ADARB1: variants seen among roughly 807,000 people sequenced by gnomAD.
The protein encoded by ADARB1 is adenosine deaminase RNA specific B1, also known as double-stranded RNA-specific editase 1.
A neutral mutation model predicts 52.4 loss-of-function variants in ADARB1; 10 were observed. That is an observed-to-expected ratio of 0.19 (90% CI 0.12 to 0.32). The LOEUF is 0.32. Among genes scored for constraint, ADARB1 ranks in the 10% least tolerant of loss-of-function variants. The pLI, the probability that ADARB1 is intolerant of heterozygous loss-of-function variation, is 1.00. For missense variants in ADARB1, 643 were observed against 922.3 expected (o/e 0.70, Z 3.92); for synonymous variants, 349 against 371.1 (o/e 0.94, Z 0.68).
rs1241405151 is a variant in ADARB1, at chr21:45,200,530, A to G, written c.1566-4025A>G. Among the ~76,000 whole-genome samples the G allele has an allele frequency of 6.6e-6, 1 of 152,158 alleles. No individual in the cohort carries two copies. The highest frequency in any genetic ancestry group is 1.5e-5 in the Non-Finnish European group (1 of 68,026). On this transcript the variant is annotated intron_variant, in intron 8 of 10. Coordinates refer to ENST00000348831, the MANE Select transcript of ADARB1 (RefSeq NM_001112.4). The surrounding 1 kb of genome is among the most constrained non-coding windows in gnomAD (Gnocchi z 5.0). ...GAGTCGGCTATGGCAAGGGGGCCAG[A>G]GCACTGTGTTGGGCAGACTCAAAGG...
rs553192171 is a variant in ADARB1 at position 45,209,392 on chromosome 21, G to T, written c.1747+4656G>T. On this transcript the variant is annotated intron_variant, in intron 9 of 10. Coordinates refer to ENST00000348831, the MANE Select transcript of ADARB1 (RefSeq NM_001112.4). ...CACATCCAGATTTATTTTTCACTTT[G>T]CTGGAATATATCCTTAATTGGGGTG... Among the ~76,000 whole-genome samples, 10 of 152,308 alleles carry T rather than the reference G, an allele frequency of 6.6e-5. No homozygotes were observed. The East Asian group carries it at 1.7e-3, about 26-fold the overall frequency.
At position 45,163,754 on chromosome 21, in the gene ADARB1, G is replaced by A. The variant is rs533554573; in HGVS notation, c.-47-7856G>A. 8.5e-5 allele frequency among the ~76,000 whole-genome samples: 13 copies of A among 152,060 alleles called. 1 individual carries two copies. The highest frequency in any genetic ancestry group is 8.3e-4 in the South Asian group (4 of 4,824). On this transcript the variant is annotated intron_variant, in intron 2 of 10. Transcript: ENST00000348831. ...GACGGTGTGCTCCCTGGGCCTGCTC[G>A]GGGATGCTGAGTACCAGGCAGCAGT... is the stretch of plus-strand genomic sequence containing the variant.
chr21:45,213,708 G>A (rs1270289335), intron 9 of ADARB1, among the ~76,000 whole-genome samples: 3 of 152,228 alleles, frequency 2.0e-5, no homozygotes, highest in African/African-American at 7.2e-5. Context: ...ATTGATCTAT[G>A]TTGTTGGGTT....
At chr21:45,125,951 G>A (rs770128511) in intron 1 of ADARB1, among the ~76,000 whole-genome samples, 2 of 152,116 alleles carry the variant, frequency 1.3e-5, no homozygotes, top group Non-Finnish European at 2.9e-5. Context: ...CTTGAGCACC[G>A]AGCTATAAAG....
At chr21:45,134,400 G>T (rs545686969) in intron 2 of ADARB1, among the ~76,000 whole-genome samples, 13 of 151,926 alleles carry the variant, frequency 8.6e-5, no homozygotes, top group African/African-American at 3.1e-4. Context: ...ATGGGTGTGT[G>T]TGCCCGACAG....
chr21:45,202,014 G>A (rs971506188), intron 8 of ADARB1, among the ~76,000 whole-genome samples: 6 of 152,186 alleles, frequency 3.9e-5, no homozygotes, highest in Admixed American at 6.5e-5. Context: ...GACAGGTGCA[G>A]GGTGAGAGGT....
intron 2 of ADARB1, among the ~76,000 whole-genome samples, chr21:45,164,190 C>T (rs553497893): frequency 2.4e-4 from 36 of 152,284 alleles, no homozygotes; most frequent in Admixed American, 1.6e-3. Context: ...AGGGATGTTA[C>T]GGCACTCAGA....
At chr21:45,177,464 T>G (rs910024575) in intron 4 of ADARB1, 2 of 152,196 alleles carry the variant, frequency 1.3e-5, no homozygotes, top group African/African-American at 4.8e-5. Context: ...TTGGCTTACG[T>G]GAAAGAGAAA....
intron 3 of ADARB1, among the ~76,000 whole-genome samples, chr21:45,174,526 A>T (rs1317034970): frequency 6.6e-6 from 1 of 152,074 alleles, no homozygotes; most frequent in Non-Finnish European, 1.5e-5. Context: ...AATGTGATGA[A>T]ACCCCGTCTC....
intron 1 of ADARB1, among the ~76,000 whole-genome samples, chr21:45,075,469 G>T (rs1040971586): frequency 1.3e-5 from 2 of 152,176 alleles, no homozygotes; most frequent in Non-Finnish European, 2.9e-5. Flanking sequence ...GTGTCCTTCC[G>T]AGGGCGCAGT....
intron 2 of ADARB1, among the ~76,000 whole-genome samples, chr21:45,129,629 G>A (rs943255844): frequency 2.6e-5 from 4 of 152,224 alleles, no homozygotes; most frequent in African/African-American, 7.2e-5. Context: ...CCGTGCTCCC[G>A]CCTGGGAGTT....
chr21:45,104,882 A>G (rs1450341334), intron 1 of ADARB1, among the ~76,000 whole-genome samples: 1 of 152,214 alleles, frequency 6.6e-6, no homozygotes, highest in Non-Finnish European at 1.5e-5. Context: ...ACACTGATAT[A>G]AAGTCTCTGT....
rs938010035 is a variant in ADARB1, at chr21:45,225,064, G to A, written c.*2867G>A. On this transcript the variant is annotated 3_prime_UTR_variant, in exon 11 of 11. Transcript: ENST00000348831. ...ATTTTGACAAGTAGGGGAAGAGAGG[G>A]CTTCTGTTGTTTTGTTTTGTTTTGT... 4 of 949,834 alleles carry A rather than the reference G, an allele frequency of 4.2e-6. No individual in the cohort carries two copies. The highest frequency in any genetic ancestry group is 3.7e-6 in the Non-Finnish European group (3 of 815,746). 58.8% of individuals were successfully genotyped at this position (949,834 alleles called of 1,614,324 possible).
At chr21:45,160,768 G>A (rs2146030791) in intron 2 of ADARB1, among the ~76,000 whole-genome samples, 1 of 152,226 alleles carries the variant, frequency 6.6e-6, no homozygotes, top group South Asian at 2.1e-4. Flanking sequence ...TACTGAATTT[G>A]GGTTTTACTC....
rs144840466 is a variant in ADARB1 at position 45,097,031 on chromosome 21, G to A, written c.-220+22238G>A. Among the ~76,000 whole-genome samples the A allele has an allele frequency of 3.2e-3, 491 of 152,286 alleles. 2 individuals are homozygous for A. The highest frequency in any genetic ancestry group is 0.011 in the African/African-American group (452 of 41,552). On this transcript the variant is annotated intron_variant, in intron 1 of 10. Coordinates refer to ENST00000348831, the MANE Select transcript of ADARB1 (RefSeq NM_001112.4). ...TAGGATTACAGGTGTGAGCCACTGC[G>A]CCCAGCCTTTCTCCTCTTTTTAAAT...
chr21:45,167,312 C>T (rs780753708), intron 2 of ADARB1, among the ~76,000 whole-genome samples: 1 of 152,188 alleles, frequency 6.6e-6, no homozygotes, highest in Non-Finnish European at 1.5e-5. Context: ...TGTGCCTCTG[C>T]ACTTTTATTG....
chr21:45,115,759 G>A (rs2087791780), intron 1 of ADARB1, among the ~76,000 whole-genome samples: 1 of 152,180 alleles, frequency 6.6e-6, no homozygotes, highest in African/African-American at 2.4e-5. Flanking sequence ...ATGCATGTAA[G>A]GAATTATTCA....
chr21:45,183,088 G>A (rs1347640502), intron 6 of ADARB1, among the ~76,000 whole-genome samples: 3 of 152,196 alleles, frequency 2.0e-5, no homozygotes, highest in African/African-American at 2.4e-5. Context: ...AGCTAGTCAT[G>A]TATCCAAACT....
intron 1 of ADARB1, among the ~76,000 whole-genome samples, chr21:45,121,398 T>C (rs904505974): frequency 9.2e-5 from 14 of 152,218 alleles, no homozygotes; most frequent in Non-Finnish European, 2.9e-5. Context: ...CGTCTGCACA[T>C]TGAAGATCTC....
Sources: allele counts gnomAD v4.1 joint callset (sites outside exome capture counted in the v4.1 genomes callset), GRCh38; gene constraint gnomAD v4.1.1; non-coding constraint Gnocchi (gnomAD v3.1); transcripts MANE v1.5; gene names NCBI Gene and HGNC (gene_info 2026-07-23, HGNC 2026-07-21).